Variants in VWF observed in about 807,000 individuals in gnomAD.
VWF encodes the protein Factor VIII related antigen.
VWF carries 176 observed loss-of-function variants against 308.6 expected under a neutral mutation model. That is an observed-to-expected ratio of 0.57 (90% CI 0.50 to 0.65). The LOEUF (loss-of-function observed/expected upper bound fraction) is 0.65, where lower values mean the gene tolerates loss of function less well. Ranked by LOEUF, VWF falls within the 30% of genes least tolerant of loss-of-function variation. VWF has a pLI of 0.00. For missense variants in VWF, 3,146 were observed against 3,648.2 expected (o/e 0.86, Z 3.55); for synonymous variants, 1,385 against 1,443.4 (o/e 0.96, Z 0.92).
At chr12:6,050,955 C>CAAA (rs375016497) in intron 16 of VWF, among the ~76,000 whole-genome samples, 2 of 132,264 alleles carry the variant, frequency 1.5e-5, no homozygotes, top group Non-Finnish European at 3.2e-5. Context: ...AATTCAGTCT[C>CAAA]AAAAAAAAAA....
intron 34 of VWF, among the ~76,000 whole-genome samples, chr12:6,001,164 A>G (rs1377436861): frequency 6.6e-6 from 1 of 152,218 alleles, no homozygotes; most frequent in East Asian, 1.9e-4. Flanking sequence ...TTAGAAAGGT[A>G]TAACTTCAAA....
intron 36 of VWF, 59 bp downstream of exon 36, chr12:5,994,356 C>A: frequency 1.2e-6 from 2 of 1,605,784 alleles, no homozygotes; most frequent in Non-Finnish European, 1.7e-6. Flanking sequence ...CAGAGTAGAG[C>A]AAGTAAGGTT....
At chr12:5,984,017 TAGAC>T (rs10579907) in intron 40 of VWF, among the ~76,000 whole-genome samples, 33,235 of 133,764 alleles carry the variant, frequency 0.25, 4,071 homozygotes, top group African/African-American at 0.32. Flanking sequence ...GATAGATAGA[TAGAC>T]AGACAGACAG....
chr12:6,078,788 G>A (rs568535178), intron 6 of VWF, among the ~76,000 whole-genome samples: 10 of 152,260 alleles, frequency 6.6e-5, no homozygotes, highest in South Asian at 4.1e-4. Context: ...TCTCAGAGCC[G>A]TGACCAGACA....
chr12:6,030,966 T>C (rs1398914209), intron 21 of VWF, among the ~76,000 whole-genome samples: 1 of 151,954 alleles, frequency 6.6e-6, no homozygotes, highest in African/African-American at 2.4e-5. Flanking sequence ...GAGGTGGAGG[T>C]TGCAGTGAGC....
intron 49 of VWF, 122 bp from the exon 50 acceptor site, chr12:5,952,005 A>G: frequency 1.0e-6 from 1 of 965,934 alleles, no homozygotes; most frequent in Non-Finnish European, 1.7e-6. Context: ...CCAGATGTAA[A>G]CTATGCTTTC....
intron 8 of VWF, 84 bp from the exon 9 acceptor site, chr12:6,072,526 G>T: frequency 1.7e-6 from 2 of 1,178,444 alleles, no homozygotes; most frequent in Non-Finnish European, 2.5e-6. Flanking sequence ...CAGGGACAAT[G>T]GTTGGGTTTC....
intron 19 of VWF, among the ~76,000 whole-genome samples, chr12:6,036,142 C>A (rs1944333881): frequency 6.6e-6 from 1 of 152,168 alleles, no homozygotes; most frequent in South Asian, 2.1e-4. Flanking sequence ...CAGTTGTGGT[C>A]CCAAGCATTT....
chr12:5,991,191 AC>A (rs1189709479), intron 38 of VWF, among the ~76,000 whole-genome samples: 1 of 137,200 alleles, frequency 7.3e-6, no homozygotes, highest in Non-Finnish European at 1.6e-5. Context: ...ACACACACAC[AC>A]ACACACACAC....
intron 5 of VWF, among the ~76,000 whole-genome samples, chr12:6,099,963 A>G (rs1334197521): frequency 1.3e-5 from 2 of 150,418 alleles, no homozygotes; most frequent in African/African-American, 4.9e-5. Flanking sequence ...GCAACCTACA[A>G]AATGGGAGAA....
intron 13 of VWF, among the ~76,000 whole-genome samples, chr12:6,061,116 G>A (rs974132676): frequency 1.3e-5 from 2 of 152,178 alleles, no homozygotes; most frequent in African/African-American, 2.4e-5. Flanking sequence ...CAGGAGAATC[G>A]CTTCAGCCTG....
rs775002681 is a variant in VWF, at chr12:6,072,379, C to T, written c.1061G>A (p.Gly354Glu). ...GGAGGTGCCGGGAGGGTAGCGCTTT[C>T]CGGAATGCACGCAGGGACACTCGGT... ...ESTECPCVHSGKRYPPGTSLS... is the reference protein window; with the variant it reads ...ESTECPCVHSEKRYPPGTSLS... The change falls in exon 9 of 52, where the codon GGA becomes GAA. Residue 354 changes from glycine (G) to glutamate (E), a missense_variant. By Grantham distance (98) the Gly-to-Glu change is moderately conservative. Coordinates refer to ENST00000261405, the MANE Select transcript of VWF (RefSeq NM_000552.5). 6.2e-7 allele frequency: 1 copy of T among 1,614,112 alleles called. No individual in the cohort carries two copies. Among genetic ancestry groups the T allele is most frequent in the South Asian group, 1.1e-5 (1 of 91,076 alleles).
chr12:6,115,677 G>T (rs917370870), intron 3 of VWF, among the ~76,000 whole-genome samples: 1 of 152,122 alleles, frequency 6.6e-6, no homozygotes, highest in African/African-American at 2.4e-5. Flanking sequence ...AGAAACGAAG[G>T]CCTAGGTTTA....
At chr12:6,002,396 G>A (rs1315116594) in intron 34 of VWF, among the ~76,000 whole-genome samples, 3 of 151,536 alleles carry the variant, frequency 2.0e-5, no homozygotes, top group Middle Eastern at 3.6e-3. Context: ...AAAGAAAATC[G>A]CTATTTAAAA....
intron 34 of VWF, among the ~76,000 whole-genome samples, chr12:6,003,224 G>A (rs915377448): frequency 1.3e-5 from 2 of 152,082 alleles, no homozygotes; most frequent in Non-Finnish European, 2.9e-5. Flanking sequence ...TTCACTTTTT[G>A]TTTTCTACAT....
At chr12:6,062,538 G>C (rs1244936614) in intron 13 of VWF, among the ~76,000 whole-genome samples, 1 of 151,970 alleles carries the variant, frequency 6.6e-6, no homozygotes, top group African/African-American at 2.4e-5. Flanking sequence ...GAATCTGGTG[G>C]TTTCCTGAGC....
chr12:6,121,438 T>C (rs2136535798), intron 2 of VWF, 100 bp from the exon 3 acceptor site: 1 of 1,449,602 alleles, frequency 6.9e-7, no homozygotes, highest in Non-Finnish European at 9.5e-7. Flanking sequence ...CTGCCTCTGA[T>C]AGAAACTGGG....
chr12:5,951,865 G>A lies in VWF; in HGVS notation c.8134C>T (p.Pro2712Ser). The A allele has an allele frequency of 3.1e-6, 5 of 1,614,168 alleles. No individual in the cohort carries two copies. Among genetic ancestry groups the A allele is most frequent in the Non-Finnish European group, 4.2e-6 (5 of 1,180,026 alleles). ...LAEGGKIMKI[P>S]GTCCDTCEEP... ...TCACATGTGTCACAGCAGGTGCCTG[G>A]AATTTTCATAATTTTACCCTAAGAA... The change falls in exon 50 of 52, where the codon CCA becomes TCA. Residue 2712 changes from proline to serine, a missense_variant. Physicochemically the swap from Pro to Ser is moderately conservative, Grantham distance 74. This residue lies in a region of VWF where 989 missense variants were observed against 1,117.4 expected (regional missense o/e 0.89). Coordinates refer to ENST00000261405, the MANE Select transcript of VWF (RefSeq NM_000552.5).
chr12:6,108,795 C>T (rs1945272074), intron 5 of VWF, among the ~76,000 whole-genome samples: 1 of 151,966 alleles, frequency 6.6e-6, no homozygotes, highest in Non-Finnish European at 1.5e-5. Flanking sequence ...CCCTGGCTAA[C>T]ACAGTGAAAC....
Sources: gnomAD v4.1 joint callset for allele counts (sites outside exome capture counted in the v4.1 genomes callset) on GRCh38, gnomAD v4.1.1 for gene constraint, gnomAD v4.1.1 regional missense constraint, MANE v1.5 for transcripts, NCBI Gene and HGNC (gene_info 2026-07-23, HGNC 2026-07-21) for gene names.